The following KCNN2 variants were observed in gnomAD, a reference collection of about 807,000 sequenced individuals.
KCNN2 encodes the protein potassium calcium-activated channel subfamily N member 2.
A neutral mutation model predicts 55.5 loss-of-function variants in KCNN2; 24 were observed. The observed-to-expected ratio is 0.43, with a 90% CI of 0.31 to 0.61. The LOEUF is 0.61. Ranked by LOEUF, KCNN2 falls within the 20% of genes least tolerant of loss-of-function variation. The probability of loss-of-function intolerance (pLI) is 0.08; values close to 1 mark genes in which losing one functional copy is unlikely to be tolerated. For synonymous variants in KCNN2, 431 were observed against 336.1 expected, an observed-to-expected ratio of 1.28 and a Z score of -3.09; for missense variants, 754 against 853.6, an observed-to-expected ratio of 0.88 and a Z score of 1.45.
chr5:114,426,489 T>C (rs1483612714), intron 3 of KCNN2, among the ~76,000 whole-genome samples: 1 of 152,224 alleles, frequency 6.6e-6, no homozygotes, highest in Non-Finnish European at 1.5e-5. Context: ...TAATCTCAGG[T>C]TAATATTGAC....
intron 1 of KCNN2, among the ~76,000 whole-genome samples, chr5:114,069,207 C>T (rs545427263): frequency 1.3e-5 from 2 of 152,308 alleles, no homozygotes; most frequent in South Asian, 4.1e-4. Flanking sequence ...GACTGAGCAG[C>T]CAGCCCTGGC....
chr5:114,152,293 C>A (rs777362033), intron 1 of KCNN2, among the ~76,000 whole-genome samples: 1 of 152,118 alleles, frequency 6.6e-6, no homozygotes, highest in Non-Finnish European at 1.5e-5. Flanking sequence ...AGCAAATCTT[C>A]ATTTTAGCAC....
intron 2 of KCNN2, among the ~76,000 whole-genome samples, chr5:114,273,958 C>A (rs1755426691): frequency 6.6e-6 from 1 of 152,110 alleles, no homozygotes; most frequent in African/African-American, 2.4e-5. Context: ...CCCAGGTTTT[C>A]TTCCAGGATT....
chr5:114,319,820 A>G (rs1756578399), intron 2 of KCNN2, among the ~76,000 whole-genome samples: 1 of 152,200 alleles, frequency 6.6e-6, no homozygotes, highest in Non-Finnish European at 1.5e-5. Context: ...GCTTTGTCCC[A>G]TCACATGCTG....
intron 3 of KCNN2, among the ~76,000 whole-genome samples, chr5:114,412,613 T>C (rs1164418920): frequency 6.6e-6 from 1 of 152,182 alleles, no homozygotes; most frequent in Non-Finnish European, 1.5e-5. Context: ...GAATGTGAAA[T>C]AGGGAGCCAC....
intron 3 of KCNN2, among the ~76,000 whole-genome samples, chr5:114,411,888 A>T (rs1759146761): frequency 1.3e-5 from 2 of 152,300 alleles, no homozygotes; most frequent in Admixed American, 1.3e-4. Context: ...TTGACACCTA[A>T]AATTAACCAT....
intron 2 of KCNN2, among the ~76,000 whole-genome samples, chr5:114,303,671 A>C (rs1756212402): frequency 6.6e-6 from 1 of 152,218 alleles, no homozygotes; most frequent in South Asian, 2.1e-4. Context: ...CAGTAGGTCC[A>C]GTAGCAATAA....
In KCNN2 at chr5:114,493,449, A is replaced by C. The variant is rs982874697; in HGVS notation, c.2065A>C (p.Asn689His). The C allele has an allele frequency of 6.2e-7, 1 of 1,611,214 alleles. No individual in the cohort carries two copies. The highest frequency in any genetic ancestry group is 1.3e-5 in the African/African-American group (1 of 74,992). ...GCAGAGGAAACTGAATGACCAAGCA[A>C]ACACTTTGGTGGACTTGGCAAAGGT... ...MEQRKLNDQA[N>H]TLVDLAKTQN... Residue 689 changes from asparagine to histidine, a missense_variant, in exon 7 of 8, where the codon AAC (asparagine) becomes CAC (histidine). Physicochemically the swap from Asn to His is moderately conservative, Grantham distance 68. Around this residue, in one of 4 missense-constraint regions of KCNN2, gnomAD observed 164 missense variants for 156.6 expected, o/e 1.05. Transcript: ENST00000673685.
chr5:114,468,784 C>A (rs191966261), intron 4 of KCNN2, among the ~76,000 whole-genome samples: 3 of 152,222 alleles, frequency 2.0e-5, no homozygotes, highest in African/African-American at 7.2e-5. Flanking sequence ...CAAAACCTTT[C>A]CACAGTGTGT....
chr5:114,078,883 T>C (rs184830524), intron 1 of KCNN2, among the ~76,000 whole-genome samples: 1 of 152,174 alleles, frequency 6.6e-6, no homozygotes, highest in Non-Finnish European at 1.5e-5. Context: ...CCTGCTGATA[T>C]CATGTGCAGA....
chr5:114,179,053 G>C (rs1478336939), intron 1 of KCNN2, among the ~76,000 whole-genome samples: 2 of 152,114 alleles, frequency 1.3e-5, no homozygotes, highest in African/African-American at 4.8e-5. Context: ...TAAACTTGGG[G>C]AACTGTATTA....
At chr5:114,159,086 T>C (rs942914839) in intron 1 of KCNN2, among the ~76,000 whole-genome samples, 3 of 152,212 alleles carry the variant, frequency 2.0e-5, no homozygotes, top group African/African-American at 7.2e-5. Context: ...GTGCCAGTTT[T>C]CAAAGGGAAT....
chr5:114,258,258 A>T (rs768004821), intron 2 of KCNN2, among the ~76,000 whole-genome samples: 1 of 152,090 alleles, frequency 6.6e-6, no homozygotes, highest in Non-Finnish European at 1.5e-5. Flanking sequence ...CATTTTGTTG[A>T]GGATTTGTGC....
At chr5:114,217,427 CA>C (rs1170545944) in intron 1 of KCNN2, among the ~76,000 whole-genome samples, 2 of 151,906 alleles carry the variant, frequency 1.3e-5, no homozygotes, top group African/African-American at 2.4e-5. Context: ...CCAGAATGTC[CA>C]GGGGAAAAAA....
intron 1 of KCNN2, among the ~76,000 whole-genome samples, chr5:114,207,764 C>A (rs1421681315): frequency 2.0e-5 from 3 of 152,182 alleles, no homozygotes; most frequent in Admixed American, 1.3e-4. Flanking sequence ...TAGACTCTTT[C>A]TTAAATGATA....
chr5:114,163,193 G>C (rs537024925), intron 1 of KCNN2, among the ~76,000 whole-genome samples: 77 of 152,286 alleles, frequency 5.1e-4, no homozygotes, highest in African/African-American at 1.6e-3. Flanking sequence ...CTTTTGGGCT[G>C]AGATAATGGG....
At chr5:114,475,303 G>A (rs1425997071) in intron 5 of KCNN2, among the ~76,000 whole-genome samples, 1 of 151,404 alleles carries the variant, frequency 6.6e-6, no homozygotes, top group African/African-American at 2.4e-5. Flanking sequence ...ATGTGGGACT[G>A]TCCTGTGTGT....
At chr5:114,074,054 G>A (rs943523529) in intron 1 of KCNN2, among the ~76,000 whole-genome samples, 9 of 152,058 alleles carry the variant, frequency 5.9e-5, no homozygotes, top group African/African-American at 1.2e-4. Flanking sequence ...CTGGCATGTT[G>A]ACTTACTGCC....
chr5:114,263,428 G>C (rs2150005150), intron 2 of KCNN2, among the ~76,000 whole-genome samples: 1 of 114,902 alleles, frequency 8.7e-6, no homozygotes, highest in Admixed American at 8.8e-5. Context: ...AGATAAGCAG[G>C]TAGACTTATC....
Sources: allele counts gnomAD v4.1 joint callset (sites outside exome capture counted in the v4.1 genomes callset), GRCh38; gene constraint gnomAD v4.1.1; regional missense constraint gnomAD v4.1.1; transcripts MANE v1.5; gene names NCBI Gene and HGNC (gene_info 2026-07-23, HGNC 2026-07-21).